Variants in FBXL13 observed in about 807,000 individuals in gnomAD.
FBXL13 encodes the protein F-box and leucine rich repeat protein 13, also known as F-box and leucine-rich repeat protein 13.
In FBXL13, 67 loss-of-function variants were observed where a neutral mutation model predicts 83.6. The ratio of observed to expected loss-of-function variants is 0.80; its 90% CI spans 0.66 to 0.98. The LOEUF is 0.98. Among genes scored for constraint, FBXL13 ranks in the 50% least tolerant of loss-of-function variants. The pLI is 0.00. For synonymous variants in FBXL13, 272 were observed against 299.5 expected (o/e 0.91, Z 0.95); for missense variants, 822 against 866.5 (o/e 0.95, Z 0.64).
At chr7:102,883,202 T>C in intron 14 of FBXL13, 103 bp downstream of exon 15, 2 of 1,166,962 alleles carry the variant, frequency 1.7e-6, no homozygotes, top group South Asian at 3.5e-5. Context: ...CATGAACTCT[T>C]GACTTTCATG....
At chr7:103,055,428 A>T (rs943730999) in intron 2 of FBXL13, among the ~76,000 whole-genome samples, 3 of 151,898 alleles carry the variant, frequency 2.0e-5, no homozygotes, top group African/African-American at 7.3e-5. Flanking sequence ...CCCTATGAAC[A>T]CGTTACTGAT....
chr7:102,948,333 G>A (rs1004847798), intron 8 of FBXL13, among the ~76,000 whole-genome samples: 10 of 152,064 alleles, frequency 6.6e-5, no homozygotes, highest in African/African-American at 2.4e-4. Flanking sequence ...CAATGTGCTG[G>A]GATTACAGGA....
At chr7:102,951,800 C>A in intron 8 of FBXL13, among the ~76,000 whole-genome samples, 1 of 81,672 alleles carries the variant, frequency 1.2e-5, no homozygotes, top group Admixed American at 1.6e-4. Context: ...GTGAAACTCT[C>A]TCTCCAAAAA....
At chr7:102,973,919 G>A in intron 6 of FBXL13, 1 of 656,684 alleles carries the variant, frequency 1.5e-6, no homozygotes, top group South Asian at 1.7e-5. Context: ...ACGCCTCTAA[G>A]CCATTTGATC....
At chr7:102,907,931 T>G (rs1051839308) in intron 11 of FBXL13, among the ~76,000 whole-genome samples, 2 of 152,092 alleles carry the variant, frequency 1.3e-5, no homozygotes, top group Non-Finnish European at 2.9e-5. Context: ...CTGGAGAGGA[T>G]GTGGAGGAAT....
intron 6 of FBXL13, among the ~76,000 whole-genome samples, chr7:103,010,481 C>A (rs1187625795): frequency 6.6e-6 from 1 of 152,122 alleles, no homozygotes; most frequent in Non-Finnish European, 1.5e-5. Flanking sequence ...CTCCACCCAC[C>A]CTTGCCTCTC....
intron 7 of FBXL13, 71 bp from the exon 9 acceptor site, chr7:102,963,736 T>C: frequency 1.4e-6 from 2 of 1,447,840 alleles, no homozygotes; most frequent in Non-Finnish European, 9.3e-7. Context: ...AAAACAATAA[T>C]AGACAAATGT....
chr7:102,863,479 G>A (rs1362601121), intron 16 of FBXL13, among the ~76,000 whole-genome samples: 2 of 147,532 alleles, frequency 1.4e-5, no homozygotes, highest in Non-Finnish European at 3.0e-5. Context: ...ATAAAACAGA[G>A]TATAAGTTTT....
chr7:103,062,311 A>T (rs1300873741), intron 1 of FBXL13, among the ~76,000 whole-genome samples: 1 of 152,158 alleles, frequency 6.6e-6, no homozygotes, highest in Non-Finnish European at 1.5e-5. Flanking sequence ...CTAGTAGAAA[A>T]TTGAGGGAGA....
intron 11 of FBXL13, among the ~76,000 whole-genome samples, chr7:102,896,828 A>C (rs1472601149): frequency 2.6e-5 from 4 of 152,192 alleles, no homozygotes; most frequent in South Asian, 2.1e-4. Context: ...AAATAAGGTC[A>C]TATTCTGAGG....
intron 9 of FBXL13, among the ~76,000 whole-genome samples, chr7:102,928,453 T>C (rs367644662): frequency 1.3e-5 from 2 of 152,208 alleles, no homozygotes; most frequent in African/African-American, 4.8e-5. Flanking sequence ...ACTCCTTAAA[T>C]GTAAGCCTGT....
At chr7:102,911,051 G>A (rs751855644) in intron 11 of FBXL13, among the ~76,000 whole-genome samples, 6 of 152,138 alleles carry the variant, frequency 3.9e-5, no homozygotes, top group South Asian at 4.1e-4. Context: ...ATGAGCCACC[G>A]CGCCCAGCCT....
chr7:102,919,193 T>C (rs1405620211), intron 10 of FBXL13, among the ~76,000 whole-genome samples: 1 of 152,190 alleles, frequency 6.6e-6, no homozygotes, highest in Non-Finnish European at 1.5e-5. Context: ...ACACTAGGAA[T>C]TGGTGCTTCT....
chr7:102,917,405 T>C (rs1171406028), intron 10 of FBXL13, among the ~76,000 whole-genome samples: 2 of 152,210 alleles, frequency 1.3e-5, no homozygotes, highest in Non-Finnish European at 1.5e-5. Flanking sequence ...CAGCACTGTA[T>C]GCCCAGAACA....
At chr7:102,966,131 C>T (rs1825944472) in intron 7 of FBXL13, among the ~76,000 whole-genome samples, 2 of 152,232 alleles carry the variant, frequency 1.3e-5, no homozygotes, top group Admixed American at 6.5e-5. Context: ...AAGAAGAGAA[C>T]TGATTTCATC....
intron 2 of FBXL13, among the ~76,000 whole-genome samples, chr7:103,030,473 G>C (rs1034032632): frequency 1.3e-5 from 2 of 152,098 alleles, no homozygotes; most frequent in Non-Finnish European, 2.9e-5. Flanking sequence ...ATTACAGCAG[G>C]CAGAATAAAA....
chr7:102,840,106 T>C (rs1246663810), intron 17 of FBXL13, among the ~76,000 whole-genome samples: 1 of 151,800 alleles, frequency 6.6e-6, no homozygotes, highest in African/African-American at 2.4e-5. Flanking sequence ...AGAAGGAAAA[T>C]TGGAAGAAAT....
chr7:102,963,504 A>C, intron 8 of FBXL13, 29 bp downstream of exon 9: 1 of 1,600,588 alleles, frequency 6.2e-7, no homozygotes, highest in South Asian at 1.1e-5. Context: ...CAGGAAAGCA[A>C]GACAAATAGT....
chr7:102,934,816 A>C (rs1819975518), intron 8 of FBXL13: 2 of 865,934 alleles, frequency 2.3e-6, no homozygotes, highest in Non-Finnish European at 1.7e-6. Context: ...TTCCCTATTG[A>C]CAATGGAATT....
Sources: allele counts gnomAD v4.1 joint callset (sites outside exome capture counted in the v4.1 genomes callset), GRCh38; gene constraint gnomAD v4.1.1; transcripts MANE v1.5; gene names NCBI Gene and HGNC (gene_info 2026-07-23, HGNC 2026-07-21).